The following KCNJ6 variants were observed in gnomAD, a reference collection of about 807,000 sequenced individuals.
KCNJ6 encodes G protein-activated inward rectifier potassium channel 2.
In KCNJ6, 9 loss-of-function variants were observed where a neutral mutation model predicts 34.2. The ratio of observed to expected loss-of-function variants is 0.26; its 90% CI spans 0.16 to 0.46. The LOEUF (loss-of-function observed/expected upper bound fraction) is 0.46. Among genes scored for constraint, KCNJ6 ranks in the 20% least tolerant of loss-of-function variants. The pLI, the probability that KCNJ6 is intolerant of heterozygous loss-of-function variation, is 1.00. For synonymous variants in KCNJ6, 196 were observed against 207.1 expected (o/e 0.95, Z 0.46); for missense variants, 236 against 531.3 (o/e 0.44, Z 5.46).
At chr21:37,691,984 C>T (rs2054641959) in intron 3 of KCNJ6, among the ~76,000 whole-genome samples, 1 of 152,136 alleles carries the variant, frequency 6.6e-6, no homozygotes, top group South Asian at 2.1e-4. Context: ...TTATTTCAAG[C>T]AGTTTGGGAT....
intron 2 of KCNJ6, among the ~76,000 whole-genome samples, chr21:37,834,918 C>A (rs1315796404): frequency 1.0e-5 from 1 of 98,544 alleles, no homozygotes; most frequent in African/African-American, 4.2e-5. Context: ...AAAGCTGCTG[C>A]TCTGTTATTT....
At chr21:37,816,688 A>G (rs529912638) in intron 2 of KCNJ6, among the ~76,000 whole-genome samples, 2 of 152,182 alleles carry the variant, frequency 1.3e-5, no homozygotes, top group Non-Finnish European at 2.9e-5. Context: ...ATTTCTTGGC[A>G]GAGAAGGAAC....
intron 2 of KCNJ6, among the ~76,000 whole-genome samples, chr21:37,809,961 G>A (rs181621817): frequency 6.6e-6 from 1 of 152,364 alleles, no homozygotes; most frequent in East Asian, 1.9e-4. Flanking sequence ...TGGACTTTAT[G>A]TGAGTGAGAA....
At chr21:37,774,499 C>A (rs368787354) in intron 2 of KCNJ6, among the ~76,000 whole-genome samples, 4 of 151,912 alleles carry the variant, frequency 2.6e-5, no homozygotes, top group Non-Finnish European at 5.9e-5. Context: ...TCCCTCCCCC[C>A]CTCCCCCTAC....
intron 2 of KCNJ6, chr21:37,717,255 T>C (rs540955475): frequency 6.5e-6 from 1 of 154,174 alleles, no homozygotes; most frequent in African/African-American, 2.4e-5. Context: ...TTTGCTTTTT[T>C]CCCTTTCTTA....
intron 2 of KCNJ6, among the ~76,000 whole-genome samples, chr21:37,728,984 C>T (rs1407228921): frequency 6.6e-6 from 1 of 151,992 alleles, no homozygotes; most frequent in Non-Finnish European, 1.5e-5. Flanking sequence ...TTGCTGTGTC[C>T]CTTGAGCTGT....
intron 2 of KCNJ6, among the ~76,000 whole-genome samples, chr21:37,734,306 T>A (rs549881778): frequency 7.2e-4 from 109 of 152,190 alleles, no homozygotes; most frequent in Middle Eastern, 3.4e-3. Flanking sequence ...GCTTGTGACT[T>A]TGTGCATGGA....
intron 3 of KCNJ6, among the ~76,000 whole-genome samples, chr21:37,688,531 A>T (rs2054625617): frequency 6.6e-6 from 1 of 152,212 alleles, no homozygotes; most frequent in South Asian, 2.1e-4. Flanking sequence ...ACAGCTAATG[A>T]GCAGGAGGGA....
chr21:37,800,814 C>G (rs192561663), intron 2 of KCNJ6, among the ~76,000 whole-genome samples: 26 of 152,330 alleles, frequency 1.7e-4, no homozygotes, highest in African/African-American at 6.3e-4. Flanking sequence ...GGCGGAGGTT[C>G]CCAACCTCCC....
rs142981494 is a variant in KCNJ6, at chr21:37,738,243, T to C, written c.26-23112A>G. On this transcript the variant is annotated intron_variant, in intron 2 of 3. Coordinates refer to ENST00000609713, the MANE Select transcript of KCNJ6 (RefSeq NM_002240.5). The stretch of plus-strand genomic sequence containing the variant: ...CTCATAGATTACAAACGGCCTGTAC[T>C]TCCCTGCCCTGTGGCTTGTCTACTG... 3.1e-3 allele frequency among the ~76,000 whole-genome samples: 479 copies of C among 152,342 alleles called. 2 individuals carry two copies. The highest frequency in any genetic ancestry group is 0.015 in the South Asian group (72 of 4,832).
chr21:37,766,612 T>C (rs1192223879), intron 2 of KCNJ6, among the ~76,000 whole-genome samples: 1 of 152,094 alleles, frequency 6.6e-6, no homozygotes, highest in Non-Finnish European at 1.5e-5. Context: ...TGGAAGCACA[T>C]GGTGGTGATT....
Position 37,607,576 on chromosome 21 carries a change from G to A in KCNJ6, c.*17583C>T, listed in dbSNP as rs764969489. ...TGAGCATGCTTTCGTCTCATTGTCCGTGCACAGACATACTTGGAGTTGAGT... is the reference window on the plus strand; with the variant it reads ...TGAGCATGCTTTCGTCTCATTGTCCATGCACAGACATACTTGGAGTTGAGT... On this transcript the variant is annotated 3_prime_UTR_variant, in exon 4 of 4. Coordinates refer to ENST00000609713, the MANE Select transcript of KCNJ6 (RefSeq NM_002240.5). The A allele has an allele frequency of 6.6e-6, 1 of 150,838 alleles. No homozygotes were observed. The highest frequency in any genetic ancestry group is 1.5e-5 in the Non-Finnish European group (1 of 67,898). The allele number at this position is 150,838 out of a possible 1,614,324, so 9.3% of individuals were successfully genotyped here. A position where few individuals can be genotyped will look rare whatever the true frequency, so the allele number is the denominator to read the frequency against.
chr21:37,776,324 T>G (rs1252760017), intron 2 of KCNJ6, among the ~76,000 whole-genome samples: 2 of 152,208 alleles, frequency 1.3e-5, no homozygotes, highest in Non-Finnish European at 2.9e-5. Context: ...CTTTTCCTAA[T>G]TGAATACCCT....
At chr21:37,848,345 C>T (rs1184255028) in intron 1 of KCNJ6, among the ~76,000 whole-genome samples, 1 of 152,192 alleles carries the variant, frequency 6.6e-6, no homozygotes, top group East Asian at 1.9e-4. Context: ...CTGATATACT[C>T]AGTTAAAGTT....
chr21:37,813,720 A>T (rs571723691), intron 2 of KCNJ6, among the ~76,000 whole-genome samples: 3 of 152,256 alleles, frequency 2.0e-5, no homozygotes, highest in African/African-American at 7.2e-5. Context: ...ATGAAACTGG[A>T]CTCCTATCTC....
At chr21:37,878,034 T>C (rs1313305236) in intron 1 of KCNJ6, among the ~76,000 whole-genome samples, 1 of 152,208 alleles carries the variant, frequency 6.6e-6, no homozygotes, top group Non-Finnish European at 1.5e-5. Flanking sequence ...TCCATAGGAA[T>C]GGATGACTAA....
intron 1 of KCNJ6, among the ~76,000 whole-genome samples, chr21:37,881,440 A>G (rs2055707571): frequency 1.3e-5 from 2 of 151,336 alleles, no homozygotes; most frequent in African/African-American, 2.4e-5. Context: ...ACCTCTTGCT[A>G]TATCTTCACT....
chr21:37,769,043 G>A (rs998449753), intron 2 of KCNJ6, among the ~76,000 whole-genome samples: 5 of 152,160 alleles, frequency 3.3e-5, no homozygotes, highest in African/African-American at 1.2e-4. Context: ...TTGCACGCAT[G>A]GTAACTGATT....
At chr21:37,733,234 G>T (rs2054895206) in intron 2 of KCNJ6, among the ~76,000 whole-genome samples, 1 of 152,126 alleles carries the variant, frequency 6.6e-6, no homozygotes, top group Non-Finnish European at 1.5e-5. Flanking sequence ...ACTTAAACGT[G>T]GCTTAAATTC....
Sources: allele counts gnomAD v4.1 joint callset (sites outside exome capture counted in the v4.1 genomes callset), GRCh38; gene constraint gnomAD v4.1.1; transcripts MANE v1.5; gene names NCBI Gene and HGNC (gene_info 2026-07-23, HGNC 2026-07-21).